The following GPHN variants were observed in gnomAD, a reference collection of about 807,000 sequenced individuals.
GPHN encodes the protein gephyrin.
In GPHN, 17 loss-of-function variants were observed where a neutral mutation model predicts 95.5. The ratio of observed to expected loss-of-function variants is 0.18; its 90% CI spans 0.12 to 0.27. The LOEUF (loss-of-function observed/expected upper bound fraction) is 0.27. Among genes scored for constraint, GPHN ranks in the 10% least tolerant of loss-of-function variants. GPHN has a pLI of 1.00. For synonymous variants in GPHN, 320 were observed against 322.5 expected, an observed-to-expected ratio of 0.99 and a Z score of 0.08; for missense variants, 660 against 978.1, an observed-to-expected ratio of 0.67 and a Z score of 4.34.
At chr14:66,618,196 A>ATAGCCTTCAGTACTGTAAT (rs1352771625) in intron 1 of GPHN, among the ~76,000 whole-genome samples, 1 of 152,126 alleles carries the variant, frequency 6.6e-6, no homozygotes, top group Non-Finnish European at 1.5e-5. Flanking sequence ...TATTAGGATG[A>ATAGCCTTCAGTACTGTAAT]TAGCCTTCAG....
At chr14:67,106,789 A>G (rs757749546) in intron 13 of GPHN, among the ~76,000 whole-genome samples, 10 of 151,994 alleles carry the variant, frequency 6.6e-5, no homozygotes, top group Non-Finnish European at 1.3e-4. Context: ...CCTTAAGATC[A>G]TTATTTTGCA....
intron 8 of GPHN, among the ~76,000 whole-genome samples, chr14:66,949,746 A>T (rs2067977910): frequency 6.6e-6 from 1 of 152,196 alleles, no homozygotes; most frequent in Non-Finnish European, 1.5e-5. Flanking sequence ...ACTTTTCTTT[A>T]AAATAAAATT....
the GPHN span, among the ~76,000 whole-genome samples, chr14:67,188,210 C>T: frequency 6.6e-6 from 1 of 152,114 alleles, no homozygotes; most frequent in Non-Finnish European, 1.5e-5. Flanking sequence ...GACAAAGTGC[C>T]ACAAATTCAG....
At chr14:67,676,023 G>A in the GPHN span, among the ~76,000 whole-genome samples, 1 of 152,242 alleles carries the variant, frequency 6.6e-6, no homozygotes, top group East Asian at 1.9e-4. Flanking sequence ...CCTGAACCCG[G>A]GAGGCAGTGG....
In GPHN at chr14:66,645,481, G is replaced by A. The variant is rs141588683; in HGVS notation, c.65-35626G>A. 7.3e-3 allele frequency among the ~76,000 whole-genome samples: 1,112 copies of A among 152,034 alleles called. 7 individuals are homozygous for A. The highest frequency in any genetic ancestry group is 0.026 in the African/African-American group (1,061 of 41,480). On this transcript the variant is annotated intron_variant, in intron 1 of 22. Transcript: ENST00000478722. ...GCAGATGTATTACCTGAGGTAAGGA[G>A]TTCAAGACCAGCCTGGCCAACAAGG...
chr14:66,684,094 T>C (rs1352472007), intron 2 of GPHN, among the ~76,000 whole-genome samples: 1 of 152,168 alleles, frequency 6.6e-6, no homozygotes, highest in Non-Finnish European at 1.5e-5. Flanking sequence ...AAATAAAAAT[T>C]ATTAGAATAA....
chr14:66,795,953 T>TAACC (rs1310956535), intron 3 of GPHN, among the ~76,000 whole-genome samples: 1 of 152,118 alleles, frequency 6.6e-6, no homozygotes, highest in Non-Finnish European at 1.5e-5. Context: ...TTGTACCTAC[T>TAACC]AACCATCCCT....
chr14:67,473,357 C>T, the GPHN span: 6 of 1,575,718 alleles, frequency 3.8e-6, no homozygotes, highest in Middle Eastern at 6.7e-4. This position sits in a 1 kb window ranked among gnomAD's most constrained non-coding sequence, Gnocchi z 6.5. Context: ...GCAACCTCAC[C>T]AGCTTGGTCT....
chr14:66,966,062 T>A (rs1049560662), intron 9 of GPHN, among the ~76,000 whole-genome samples: 1 of 152,174 alleles, frequency 6.6e-6, no homozygotes, highest in Non-Finnish European at 1.5e-5. Flanking sequence ...AAGTTCTCTA[T>A]GTGATGGATG....
chr14:67,383,247 A>G, the GPHN span: 3 of 1,530,380 alleles, frequency 2.0e-6, no homozygotes, highest in Admixed American at 5.5e-5. Context: ...TTAGGCAGTA[A>G]TAGTATTGAA....
At chr14:66,800,706 C>G (rs747804176) in intron 3 of GPHN, among the ~76,000 whole-genome samples, 3 of 151,866 alleles carry the variant, frequency 2.0e-5, no homozygotes, top group Non-Finnish European at 4.4e-5. Flanking sequence ...TGTTCTATAC[C>G]ACTCTTCTAC....
At chr14:67,691,503 T>G in the GPHN span, 1 of 343,994 alleles carries the variant, frequency 2.9e-6, no homozygotes, top group Non-Finnish European at 5.3e-6. Context: ...ACTTACTCAC[T>G]GCTTTTGGGA....
Position 66,681,237 on chromosome 14 carries a change from G to A in GPHN, c.143+52G>A, listed in dbSNP as rs534540276. ...TATAAATTAAAACTTTATTATTAGT[G>A]TTCCTTTTCTCAAAAGAGTTTTATG... On this transcript the variant is annotated intron_variant, in intron 2 of 22. Transcript: ENST00000478722. The A allele has an allele frequency of 8.5e-5, 92 of 1,086,558 alleles. 1 individual carries two copies. The African/African-American group carries it at 1.4e-3, about 17-fold the overall frequency. The allele number at this position is 1,086,558 out of a possible 1,614,324, so 67.3% of individuals were successfully genotyped here.
At chr14:67,674,734 G>T in the GPHN span, 3 of 394,740 alleles carry the variant, frequency 7.6e-6, no homozygotes, top group African/African-American at 4.2e-5. Flanking sequence ...GCGCGGCCTA[G>T]GCGACTCCTG....
chr14:67,653,377 A>G, the GPHN span: 2 of 1,482,886 alleles, frequency 1.3e-6, no homozygotes, highest in Non-Finnish European at 1.9e-6. Flanking sequence ...TCACTATTTT[A>G]AGCTTTTTGG....
intron 1 of GPHN, among the ~76,000 whole-genome samples, chr14:66,664,462 C>T (rs2065835661): frequency 1.3e-5 from 2 of 152,180 alleles, no homozygotes; most frequent in African/African-American, 4.8e-5. Context: ...GTACCAGATT[C>T]TCAGGGACAC....
chr14:67,117,819 A>G (rs2078779131), intron 16 of GPHN, among the ~76,000 whole-genome samples: 2 of 152,276 alleles, frequency 1.3e-5, no homozygotes, highest in Middle Eastern at 6.8e-3. Context: ...TCAGACCTCA[A>G]AACAAGGGCT....
chr14:67,690,855 CA>C, the GPHN span: 1 of 419,270 alleles, frequency 2.4e-6, no homozygotes, highest in African/African-American at 2.0e-5. Context: ...TGATGCTGGC[CA>C]CAAGGATCAC....
the GPHN span, among the ~76,000 whole-genome samples, chr14:67,223,303 A>G: frequency 1.3e-5 from 2 of 152,172 alleles, no homozygotes; most frequent in Non-Finnish European, 2.9e-5. Context: ...CCTGGCCCCC[A>G]TTGGGCTTTA....
Sources: allele counts gnomAD v4.1 joint callset (sites outside exome capture counted in the v4.1 genomes callset), GRCh38; gene constraint gnomAD v4.1.1; non-coding constraint Gnocchi (gnomAD v3.1); transcripts MANE v1.5; gene names NCBI Gene and HGNC (gene_info 2026-07-23, HGNC 2026-07-21).